Variants in SLC7A14 observed in about 807,000 individuals in gnomAD.
SLC7A14 encodes gamma-aminobutyric acid transporter SLC7A14.
SLC7A14 carries 37 observed loss-of-function variants against 60.2 expected under a neutral mutation model. The ratio of observed to expected loss-of-function variants is 0.61; its 90% CI spans 0.47 to 0.81. SLC7A14 has a LOEUF of 0.81. Ranked by LOEUF, SLC7A14 falls within the 30% of genes least tolerant of loss-of-function variation. SLC7A14 has a pLI of 0.00. For synonymous variants in SLC7A14, 399 were observed against 395.8 expected (o/e 1.01, Z -0.10); for missense variants, 886 against 982.7 (o/e 0.90, Z 1.32).
In SLC7A14 at chr3:170,464,740, A is replaced by G. The variant is rs1211557518; in HGVS notation, c.*2315T>C. The G allele has an allele frequency of 6.6e-6, 1 of 152,218 alleles. No homozygotes were observed. The highest frequency in any genetic ancestry group is 1.5e-5 in the Non-Finnish European group (1 of 68,036). 9.4% of individuals were successfully genotyped at this position (152,218 alleles called of 1,614,324 possible). On this transcript the variant is annotated 3_prime_UTR_variant, in exon 8 of 8. Transcript: ENST00000231706. ...ACCAAAGCATACATTTTCCATTCCC[A>G]TCCTATAGAAATTGCATTCATCTGC...
At chr3:170,486,188 C>T (rs200988610) in intron 5 of SLC7A14, 34 bp downstream of exon 5, 35 of 1,610,972 alleles carry the variant, frequency 2.2e-5, no homozygotes, top group Admixed American at 1.2e-4. Flanking sequence ...AGGGCCACAT[C>T]GTGAGGAGGG....
At chr3:170,469,051 TG>T (rs1739804651) in intron 7 of SLC7A14, among the ~76,000 whole-genome samples, 1 of 152,192 alleles carries the variant, frequency 6.6e-6, no homozygotes, top group African/African-American at 2.4e-5. Flanking sequence ...ATGGGCACAG[TG>T]TTCCACTGCC....
At position 170,509,507 on chromosome 3, in the gene SLC7A14, G is replaced by A. The variant is rs930638785; in HGVS notation, c.305-8162C>T. On this transcript the variant is annotated intron_variant, in intron 2 of 7. Coordinates refer to ENST00000231706, the MANE Select transcript of SLC7A14 (RefSeq NM_020949.3). ...ACAGGTCAAGGAAGTTTAATAATTT[G>A]TTGATTAAATGTAACCAACTGGCCG... 4.6e-5 allele frequency among the ~76,000 whole-genome samples: 7 copies of A among 152,190 alleles called. 1 individual carries two copies. The highest frequency in any genetic ancestry group is 4.6e-4 in the Admixed American group (7 of 15,280).
In SLC7A14 at chr3:170,574,260, G is replaced by A. The variant is rs576864792; in HGVS notation, c.-153+11651C>T. 5.9e-5 allele frequency among the ~76,000 whole-genome samples: 9 copies of A among 152,256 alleles called. No individual in the cohort carries two copies. In the South Asian group the frequency reaches 8.3e-4, roughly 14 times the overall value. On this transcript the variant is annotated intron_variant, in intron 1 of 7. Transcript: ENST00000231706. ...ATTTTAGTTCAATTGATTTAAAAAA[G>A]TCTTTTATCAATGTGATCTTTGTCT...
At position 170,491,766 on chromosome 3, in the gene SLC7A14, T is replaced by A. The variant is rs1577509141; in HGVS notation, c.760-5398A>T. ...ACTCTGGCCTTGCTTTCTTCTCGCC[T>A]TCTGACTTGATAGTATTTCCCACTG... is the stretch of plus-strand genomic sequence containing the variant. On this transcript the variant is annotated intron_variant, in intron 4 of 7. Coordinates refer to ENST00000231706, the MANE Select transcript of SLC7A14 (RefSeq NM_020949.3). Among the ~76,000 whole-genome samples the A allele has an allele frequency of 2.0e-5, 3 of 152,240 alleles. No homozygotes were observed. In the South Asian group the frequency reaches 6.2e-4, roughly 32 times the overall value.
intron 1 of SLC7A14, among the ~76,000 whole-genome samples, chr3:170,563,139 A>G (rs1714698697): frequency 6.6e-6 from 1 of 152,146 alleles, no homozygotes; most frequent in Non-Finnish European, 1.5e-5. Flanking sequence ...GATATTCTAG[A>G]TGGTTTAGGT....
At chr3:170,506,419 G>A (rs1419764020) in intron 2 of SLC7A14, among the ~76,000 whole-genome samples, 1 of 152,208 alleles carries the variant, frequency 6.6e-6, no homozygotes, top group Admixed American at 6.5e-5. Context: ...AACTTGGAGT[G>A]AACTTCCACA....
intron 2 of SLC7A14, among the ~76,000 whole-genome samples, chr3:170,504,641 A>G (rs888911989): frequency 1.3e-5 from 2 of 152,184 alleles, no homozygotes; most frequent in African/African-American, 4.8e-5. Context: ...TTTATCCTAG[A>G]TTATCTAGGG....
At chr3:170,554,718 C>T (rs990662180) in intron 1 of SLC7A14, among the ~76,000 whole-genome samples, 2 of 152,232 alleles carry the variant, frequency 1.3e-5, no homozygotes, top group Non-Finnish European at 2.9e-5. Flanking sequence ...TATCTCTTTG[C>T]TCAGGAGCCT....
At chr3:170,496,022 G>T in intron 4 of SLC7A14, 2 of 1,165,482 alleles carry the variant, frequency 1.7e-6, no homozygotes, top group South Asian at 2.5e-5. Flanking sequence ...TCCTCATCAA[G>T]AAGGACATGG....
intron 2 of SLC7A14, among the ~76,000 whole-genome samples, chr3:170,507,203 T>A (rs1453919267): frequency 6.6e-6 from 1 of 152,212 alleles, no homozygotes; most frequent in Non-Finnish European, 1.5e-5. Context: ...CCCAAATAAT[T>A]TTTGACTTTC....
At chr3:170,559,113 A>T (rs13077526) in intron 1 of SLC7A14, among the ~76,000 whole-genome samples, 1 of 152,222 alleles carries the variant, frequency 6.6e-6, no homozygotes, top group African/African-American at 2.4e-5. Flanking sequence ...ATTACTTAAT[A>T]TGTTCTTGTC....
At chr3:170,481,941 A>G (rs1329130798) in intron 6 of SLC7A14, among the ~76,000 whole-genome samples, 2 of 152,186 alleles carry the variant, frequency 1.3e-5, no homozygotes, top group African/African-American at 2.4e-5. Flanking sequence ...GTTTCACCCA[A>G]TAACTACTAT....
intron 4 of SLC7A14, among the ~76,000 whole-genome samples, chr3:170,490,913 T>C (rs957594112): frequency 1.3e-5 from 2 of 152,178 alleles, no homozygotes; most frequent in East Asian, 3.8e-4. Flanking sequence ...AAATATTAGC[T>C]CTTACCACCA....
intron 1 of SLC7A14, among the ~76,000 whole-genome samples, chr3:170,581,682 T>C (rs774457598): frequency 1.3e-5 from 2 of 152,188 alleles, no homozygotes; most frequent in Non-Finnish European, 2.9e-5. Flanking sequence ...ACCATATCTA[T>C]ATAAAATAAT....
intron 2 of SLC7A14, among the ~76,000 whole-genome samples, chr3:170,510,072 T>C (rs1473476564): frequency 8.6e-6 from 1 of 115,710 alleles, no homozygotes; most frequent in Admixed American, 9.9e-5. Flanking sequence ...CAAAACTCTG[T>C]CTCAAAAAAA....
rs920448984 is a variant in SLC7A14 at position 170,532,890 on chromosome 3, C to T, written c.-152-5802G>A. ...TTACCTTTCTCAAACTTGTGGAGAA[C>T]GGCTTTCCTCTTTCCTGTTTTCCTT... is the stretch of plus-strand genomic sequence containing the variant. On this transcript the variant is annotated intron_variant, in intron 1 of 7. Coordinates refer to ENST00000231706, the MANE Select transcript of SLC7A14 (RefSeq NM_020949.3). This position sits in a 1 kb window ranked among gnomAD's most constrained non-coding sequence, Gnocchi z 4.0. 2.6e-5 allele frequency among the ~76,000 whole-genome samples: 4 copies of T among 152,196 alleles called. No homozygotes were observed. Among genetic ancestry groups the T allele is most frequent in the Admixed American group, 6.5e-5 (1 of 15,290 alleles).
intron 2 of SLC7A14, among the ~76,000 whole-genome samples, chr3:170,523,607 A>G (rs911044473): frequency 6.6e-6 from 1 of 152,116 alleles, no homozygotes; most frequent in Admixed American, 6.6e-5. Flanking sequence ...TCTTTACTTC[A>G]TTCTTGCAAC....
intron 2 of SLC7A14, among the ~76,000 whole-genome samples, chr3:170,501,871 A>G (rs1203246437): frequency 2.0e-5 from 3 of 152,278 alleles, no homozygotes; most frequent in Non-Finnish European, 4.4e-5. Context: ...AAGGAAATCT[A>G]GCACATGCAC....
Sources: gnomAD v4.1 joint callset for allele counts (sites outside exome capture counted in the v4.1 genomes callset) on GRCh38, gnomAD v4.1.1 for gene constraint, Gnocchi (gnomAD v3.1) non-coding constraint, MANE v1.5 for transcripts, NCBI Gene and HGNC (gene_info 2026-07-23, HGNC 2026-07-21) for gene names.